TDRD3: variants seen among roughly 807,000 people sequenced by gnomAD.
TDRD3 encodes the protein tudor domain-containing protein 3.
TDRD3 carries 45 observed loss-of-function variants against 86.7 expected under a neutral mutation model. The ratio of observed to expected loss-of-function variants is 0.52; its 90% CI spans 0.41 to 0.67. The LOEUF is 0.67. Among genes scored for constraint, TDRD3 ranks in the 30% least tolerant of loss-of-function variants. TDRD3 has a pLI of 0.00. For synonymous variants in TDRD3, 298 were observed against 301.7 expected (o/e 0.99, Z 0.13); for missense variants, 814 against 889.0 (o/e 0.92, Z 1.07).
intron 1 of TDRD3, among the ~76,000 whole-genome samples, chr13:60,438,316 G>A (rs1044461707): frequency 3.9e-5 from 6 of 152,054 alleles, no homozygotes; most frequent in Non-Finnish European, 7.4e-5. Flanking sequence ...ATTGACTGCA[G>A]ATATTTGTAT....
chr13:60,408,196 C>T (rs1954279720), intron 1 of TDRD3, among the ~76,000 whole-genome samples: 1 of 152,196 alleles, frequency 6.6e-6, no homozygotes, highest in Non-Finnish European at 1.5e-5. Context: ...GTGCCTTTCA[C>T]CTCCCGCCAT....
chr13:60,467,315 A>AATTCCTG lies in TDRD3; in HGVS notation c.431_432insATTCCTG (p.Asp144GlufsTer5). 6.2e-7 allele frequency: 1 copy of AATTCCTG among 1,613,614 alleles called. No individual in the cohort carries two copies. Among genetic ancestry groups the AATTCCTG allele is most frequent in the South Asian group, 1.1e-5 (1 of 91,052 alleles). ...AAAAATGGATTCCTGCTCTTGAATG[A>AATTCCTG]CTCTAACACCACAGTTCTTGGTGGT... On this transcript the variant is annotated frameshift_variant, in exon 5 of 14. Coordinates refer to ENST00000377881, the MANE Select transcript of TDRD3 (RefSeq NM_001146070.2). LOFTEE classifies it high-confidence loss of function.
At chr13:60,564,484 G>A (rs753840662) in intron 12 of TDRD3, among the ~76,000 whole-genome samples, 2 of 152,092 alleles carry the variant, frequency 1.3e-5, no homozygotes, top group Non-Finnish European at 2.9e-5. Flanking sequence ...GACAGTTCCC[G>A]TTTATGAAAA....
chr13:60,487,098 CT>C (rs201569785), intron 7 of TDRD3, among the ~76,000 whole-genome samples: 3,313 of 151,640 alleles, frequency 0.022, 54 homozygotes, highest in Non-Finnish European at 0.033. Context: ...TGTGTACAAA[CT>C]TTTTTTTTGT....
intron 11 of TDRD3, among the ~76,000 whole-genome samples, chr13:60,534,579 A>G (rs1957657826): frequency 6.6e-6 from 1 of 151,736 alleles, no homozygotes. Flanking sequence ...TTTTAGTCAG[A>G]TATTTCTGTT....
At chr13:60,475,657 C>G (rs1956168821) in intron 5 of TDRD3, among the ~76,000 whole-genome samples, 1 of 152,202 alleles carries the variant, frequency 6.6e-6, no homozygotes, top group Non-Finnish European at 1.5e-5. Flanking sequence ...TTTACATTCC[C>G]AGCAACTGTG....
At chr13:60,495,556 TG>T (rs1956694605) in intron 8 of TDRD3, among the ~76,000 whole-genome samples, 1 of 152,028 alleles carries the variant, frequency 6.6e-6, no homozygotes, top group Non-Finnish European at 1.5e-5. Context: ...CTCTGCCTCC[TG>T]GGTTCAAGTG....
chr13:60,460,028 A>G (rs796985071), intron 3 of TDRD3, among the ~76,000 whole-genome samples: 28 of 152,186 alleles, frequency 1.8e-4, no homozygotes, highest in African/African-American at 6.3e-4. Flanking sequence ...GAGAAGTGGG[A>G]TTTATGGGTA....
At chr13:60,463,737 A>C (rs1955853345) in intron 4 of TDRD3, among the ~76,000 whole-genome samples, 1 of 152,232 alleles carries the variant, frequency 6.6e-6, no homozygotes, top group African/African-American at 2.4e-5. Context: ...GAAGACATAC[A>C]CATGGCCAAC....
chr13:60,515,847 T>A (rs1022381293), intron 10 of TDRD3, among the ~76,000 whole-genome samples: 1 of 152,226 alleles, frequency 6.6e-6, no homozygotes, highest in Non-Finnish European at 1.5e-5. Flanking sequence ...GAAAATTTGG[T>A]TATTTTCTGT....
At chr13:60,480,279 T>G (rs941876720) in intron 5 of TDRD3, among the ~76,000 whole-genome samples, 5 of 152,202 alleles carry the variant, frequency 3.3e-5, no homozygotes, top group African/African-American at 1.2e-4. Context: ...TATGAAATTC[T>G]TGGTTGGAAT....
At chr13:60,406,615 A>T (rs1305044390) in intron 1 of TDRD3, among the ~76,000 whole-genome samples, 2 of 152,180 alleles carry the variant, frequency 1.3e-5, no homozygotes, top group Non-Finnish European at 2.9e-5. Context: ...ATTAGCCTTT[A>T]AGGACCTGCT....
At chr13:60,552,523 G>T (rs992224718) in intron 12 of TDRD3, among the ~76,000 whole-genome samples, 1 of 152,218 alleles carries the variant, frequency 6.6e-6, no homozygotes, top group Non-Finnish European at 1.5e-5. Context: ...CACGGTGCAA[G>T]CTATAGGTGG....
chr13:60,476,708 T>C lies in TDRD3; in HGVS notation c.496-7067T>C, dbSNP rs114973891. ...TATCTGTGGGCATGGAACGTTTCCA[T>C]TTTTTTGTGTTGTCTCTGATTTCTT... On this transcript the variant is annotated intron_variant, in intron 5 of 13. Transcript: ENST00000377881. Among the ~76,000 whole-genome samples, 1,034 of 152,228 alleles carry C rather than the reference T, an allele frequency of 6.8e-3. 7 individuals carry two copies. The highest frequency in any genetic ancestry group is 0.023 in the African/African-American group (956 of 41,516).
At chr13:60,506,652 G>A (rs1956944003) in intron 8 of TDRD3, among the ~76,000 whole-genome samples, 1 of 152,146 alleles carries the variant, frequency 6.6e-6, no homozygotes, top group Non-Finnish European at 1.5e-5. Context: ...AGCTACTTGA[G>A]AGGCTGAGGC....
chr13:60,551,448 T>C (rs1958050334), intron 12 of TDRD3, among the ~76,000 whole-genome samples: 1 of 152,178 alleles, frequency 6.6e-6, no homozygotes, highest in Admixed American at 6.5e-5. Context: ...ACAGTCTCTT[T>C]TATTGTTCAC....
At chr13:60,526,734 T>G (rs1051552752) in intron 10 of TDRD3, among the ~76,000 whole-genome samples, 2 of 152,138 alleles carry the variant, frequency 1.3e-5, no homozygotes, top group African/African-American at 4.8e-5. Flanking sequence ...TGGATTAATT[T>G]TTTTCCTTAG....
intron 10 of TDRD3, among the ~76,000 whole-genome samples, chr13:60,520,178 G>C (rs1957259994): frequency 6.6e-6 from 1 of 152,036 alleles, no homozygotes; most frequent in African/African-American, 2.4e-5. Flanking sequence ...ATTTTAATGA[G>C]AACAGGAAAA....
At chr13:60,461,974 T>C (rs1955813056) in intron 4 of TDRD3, among the ~76,000 whole-genome samples, 1 of 152,204 alleles carries the variant, frequency 6.6e-6, no homozygotes, top group African/African-American at 2.4e-5. Context: ...GTTGAGGCCT[T>C]GTATGACCTT....
Sources: gnomAD v4.1 joint callset for allele counts (sites outside exome capture counted in the v4.1 genomes callset) on GRCh38, gnomAD v4.1.1 for gene constraint, MANE v1.5 for transcripts, NCBI Gene and HGNC (gene_info 2026-07-23, HGNC 2026-07-21) for gene names.